NR2F1-AS1: variants seen among roughly 807,000 people sequenced by gnomAD.
NR2F1-AS1 encodes the protein NR2F1 antisense RNA 1.
At chr5:93,455,244 T>C (rs1324927765) in intron 4 of NR2F1-AS1, among the ~76,000 whole-genome samples, 1 of 152,214 alleles carries the variant, frequency 6.6e-6, no homozygotes, top group Non-Finnish European at 1.5e-5. Context: ...TATCTTTTTC[T>C]TTTAAAGATT....
chr5:93,533,127 G>C (rs1445108785), intron 4 of NR2F1-AS1, among the ~76,000 whole-genome samples: 2 of 152,140 alleles, frequency 1.3e-5, no homozygotes, highest in African/African-American at 4.8e-5. Context: ...ATTATCTCCA[G>C]CATGTTTGAA....
intron 4 of NR2F1-AS1, among the ~76,000 whole-genome samples, chr5:93,421,679 C>T (rs981713645): frequency 5.9e-5 from 9 of 152,140 alleles, no homozygotes; most frequent in African/African-American, 2.2e-4. Flanking sequence ...CAAGCTCCTC[C>T]GAGGAGGCCT....
upstream of NR2F1-AS1, among the ~76,000 whole-genome samples, chr5:93,581,679 T>C (rs1159367586): frequency 3.5e-4 from 13 of 36,806 alleles, no homozygotes; most frequent in East Asian, 7.3e-3. Context: ...TCTCTCTCTC[T>C]CTCTCTCTCT....
chr5:93,470,871 T>C (rs185775695), intron 4 of NR2F1-AS1, among the ~76,000 whole-genome samples: 439 of 151,982 alleles, frequency 2.9e-3, no homozygotes, highest in African/African-American at 0.01. Flanking sequence ...ATAATACAAA[T>C]ACTTTAATTG....
Position 93,482,198 on chromosome 5 carries a change from C to T in NR2F1-AS1, n.638+71563G>A, listed in dbSNP as rs1750614552. On this transcript the variant is annotated intron_variant and non_coding_transcript_variant, in intron 4 of 5. Transcript: ENST00000660523. ...AGGAAAAGCTCTGGTCTACAGCTCC[C>T]AGTGAGACTAACACAGGAGGCAGGT... 2.6e-5 allele frequency among the ~76,000 whole-genome samples: 4 copies of T among 152,122 alleles called. No individual in the cohort carries two copies. The South Asian group carries it at 8.3e-4, about 32-fold the overall frequency.
At chr5:93,556,311 C>T (rs1445942046) in intron 2 of NR2F1-AS1, among the ~76,000 whole-genome samples, 4 of 152,180 alleles carry the variant, frequency 2.6e-5, no homozygotes, top group Non-Finnish European at 5.9e-5. Context: ...TAAGAACAGA[C>T]TAGTGCAAGT....
At chr5:93,418,809 T>C (rs902186578) in intron 4 of NR2F1-AS1, among the ~76,000 whole-genome samples, 3 of 152,140 alleles carry the variant, frequency 2.0e-5, no homozygotes, top group African/African-American at 7.2e-5. Context: ...ACCATTTCTT[T>C]TATAATCAAT....
intron 4 of NR2F1-AS1, among the ~76,000 whole-genome samples, chr5:93,440,233 CACAG>C (rs947084643): frequency 6.4e-4 from 98 of 152,152 alleles, no homozygotes; most frequent in African/African-American, 2.4e-3. Context: ...CACACACACA[CACAG>C]AGAAAGTTAA....
At chr5:93,459,945 T>A (rs1260000404) in intron 4 of NR2F1-AS1, among the ~76,000 whole-genome samples, 1 of 152,176 alleles carries the variant, frequency 6.6e-6, no homozygotes, top group Non-Finnish European at 1.5e-5. Flanking sequence ...TGCTGCAAGA[T>A]TGTTTTTTAC....
intron 4 of NR2F1-AS1, among the ~76,000 whole-genome samples, chr5:93,446,894 T>C (rs1233774242): frequency 6.6e-6 from 1 of 151,316 alleles, no homozygotes; most frequent in Non-Finnish European, 1.5e-5. Flanking sequence ...TCAGAAATAA[T>C]ACCACACATC....
At chr5:93,452,140 T>C (rs567766461) in intron 4 of NR2F1-AS1, among the ~76,000 whole-genome samples, 1 of 152,296 alleles carries the variant, frequency 6.6e-6, no homozygotes, top group Admixed American at 6.5e-5. Context: ...TGAAATACTA[T>C]AACTTTGTTA....
rs370688501 is a variant in NR2F1-AS1 at position 93,444,767 on chromosome 5, G to A, written n.639-49225C>T. ...TATACATTCTTCTCAGCACCACATC[G>A]CACTTATACCAAAATTGACCACATA... On this transcript the variant is annotated intron_variant and non_coding_transcript_variant, in intron 4 of 5. Transcript: ENST00000660523. Among the ~76,000 whole-genome samples the A allele has an allele frequency of 1.2e-4, 18 of 152,096 alleles. No individual in the cohort carries two copies. In the South Asian group the frequency reaches 2.3e-3, roughly 19 times the overall value.
At chr5:93,521,702 G>A (rs1288781104) in intron 4 of NR2F1-AS1, among the ~76,000 whole-genome samples, 1 of 152,140 alleles carries the variant, frequency 6.6e-6, no homozygotes, top group African/African-American at 2.4e-5. Flanking sequence ...TTATTAAAAA[G>A]TCAGGAAACA....
intron 4 of NR2F1-AS1, among the ~76,000 whole-genome samples, chr5:93,493,947 C>T (rs1285810696): frequency 6.6e-6 from 1 of 152,012 alleles, no homozygotes. Context: ...GTAATGGATT[C>T]CTAAACTTTC....
At chr5:93,481,580 A>T (rs1200532753) in intron 4 of NR2F1-AS1, among the ~76,000 whole-genome samples, 1 of 151,962 alleles carries the variant, frequency 6.6e-6, no homozygotes, top group African/African-American at 2.4e-5. Flanking sequence ...TATACAGAAC[A>T]CTCTACCAAA....
At chr5:93,541,202 A>G (rs1751943190) in intron 4 of NR2F1-AS1, among the ~76,000 whole-genome samples, 1 of 152,190 alleles carries the variant, frequency 6.6e-6, no homozygotes, top group Non-Finnish European at 1.5e-5. Context: ...GTAAATTGGA[A>G]GGAGGTGAGA....
At chr5:93,452,785 C>G (rs1372011928) in intron 4 of NR2F1-AS1, among the ~76,000 whole-genome samples, 1 of 152,114 alleles carries the variant, frequency 6.6e-6, no homozygotes, top group Non-Finnish European at 1.5e-5. Flanking sequence ...AAAGGCTGTT[C>G]TGGAACCCTT....
intron 4 of NR2F1-AS1, among the ~76,000 whole-genome samples, chr5:93,486,038 T>C (rs1199411293): frequency 7.7e-6 from 1 of 130,382 alleles, no homozygotes; most frequent in African/African-American, 2.9e-5. Context: ...CCGCATATTC[T>C]CACTCATAGG....
intron 2 of NR2F1-AS1, among the ~76,000 whole-genome samples, chr5:93,561,735 T>C (rs1489894112): frequency 1.3e-5 from 2 of 151,808 alleles, no homozygotes; most frequent in East Asian, 3.9e-4. Flanking sequence ...TTGACACCAC[T>C]GCACTCCAGC....
Sources: allele counts gnomAD v4.1 joint callset (sites outside exome capture counted in the v4.1 genomes callset), GRCh38; gene constraint gnomAD v4.1.1; transcripts MANE v1.5; gene names NCBI Gene and HGNC (gene_info 2026-07-23, HGNC 2026-07-21).